Variants in TRHDE observed in about 807,000 individuals in gnomAD.
The protein encoded by TRHDE is thyrotropin-releasing hormone-degrading ectoenzyme.
TRHDE carries 72 observed loss-of-function variants against 125.7 expected under a neutral mutation model. That is an observed-to-expected ratio of 0.57 (90% CI 0.47 to 0.70). The LOEUF is 0.70. Among genes scored for constraint, TRHDE ranks in the 30% least tolerant of loss-of-function variants. The pLI, the probability that TRHDE is intolerant of heterozygous loss-of-function variation, is 0.00. For synonymous variants in TRHDE, 509 were observed against 509.1 expected (o/e 1.00, Z 0.00); for missense variants, 1,110 against 1,327.1 (o/e 0.84, Z 2.54).
chr12:72,112,395 T>G lies in TRHDE; in HGVS notation n.279+6643T>G, dbSNP rs949820172. ...CGTGATTAGCCATTCAGATTTCATC[T>G]GAAAAGAAATAAAATCATTTAATTG... On this transcript the variant is annotated intron_variant and non_coding_transcript_variant, in intron 2 of 4. Transcript: ENST00000548156. Among the ~76,000 whole-genome samples the G allele has an allele frequency of 2.0e-5, 3 of 152,200 alleles. 1 individual carries two copies. The highest frequency in any genetic ancestry group is 4.1e-4 in the South Asian group (2 of 4,830).
chr12:72,442,516 G>C (rs1177183293), intron 3 of TRHDE, among the ~76,000 whole-genome samples: 1 of 151,814 alleles, frequency 6.6e-6, no homozygotes, highest in Non-Finnish European at 1.5e-5. Context: ...GCATTTCCTT[G>C]CTGCATTTGG....
rs780591902 is a variant in TRHDE at position 72,542,400 on chromosome 12, A to T, written c.1788+44A>T. 4.6e-6 allele frequency: 7 copies of T among 1,527,128 alleles called. No individual in the cohort carries two copies. In the South Asian group the frequency reaches 8.1e-5, roughly 18 times the overall value. 94.6% of individuals were successfully genotyped at this position (1,527,128 alleles called of 1,614,324 possible). A position where few individuals can be genotyped will look rare whatever the true frequency, so the allele number is the denominator to read the frequency against. Reference sequence around the variant, plus strand: ...ATTTTCTTTTACATTTTTCCTTGTCAATATATTTCACAGCTTAGGAAATGG... The same window carrying T: ...ATTTTCTTTTACATTTTTCCTTGTCTATATATTTCACAGCTTAGGAAATGG... On this transcript the variant is annotated intron_variant, in intron 7 of 18. Coordinates refer to ENST00000261180, the MANE Select transcript of TRHDE (RefSeq NM_013381.3).
chr12:72,369,072 T>A (rs1871460029), intron 2 of TRHDE, among the ~76,000 whole-genome samples: 1 of 152,182 alleles, frequency 6.6e-6, no homozygotes, highest in African/African-American at 2.4e-5. Context: ...GTTGAAGATA[T>A]CTGCCTTTAG....
chr12:72,663,278 C>T lies in TRHDE; in HGVS notation c.*83C>T, dbSNP rs1183084980. On this transcript the variant is annotated 3_prime_UTR_variant, in exon 19 of 19. Transcript: ENST00000261180. ...TTGTGGAATGAGGAAAATGTACTAC[C>T]TAGAAAATGGCCAGATTTTCAGTGT... 1.7e-6 allele frequency: 2 copies of T among 1,185,596 alleles called. No homozygotes were observed. Among genetic ancestry groups the T allele is most frequent in the African/African-American group, 1.6e-5 (1 of 63,370 alleles). 73.4% of individuals were successfully genotyped at this position (1,185,596 alleles called of 1,614,324 possible). A position where few individuals can be genotyped will look rare whatever the true frequency, so the allele number is the denominator to read the frequency against.
chr12:72,295,391 C>T (rs747319252), intron 2 of TRHDE, among the ~76,000 whole-genome samples: 3 of 152,086 alleles, frequency 2.0e-5, no homozygotes, highest in Non-Finnish European at 2.9e-5. Context: ...CCACTGCTGC[C>T]GTCACTATGA....
intron 3 of TRHDE, among the ~76,000 whole-genome samples, chr12:72,401,098 G>A (rs1301101643): frequency 1.3e-5 from 2 of 152,082 alleles, no homozygotes; most frequent in East Asian, 1.9e-4. Context: ...AGGAAAAAAT[G>A]TAAAAATGAG....
intron 3 of TRHDE, among the ~76,000 whole-genome samples, chr12:72,446,653 G>C (rs1280318997): frequency 6.6e-6 from 1 of 152,020 alleles, no homozygotes; most frequent in Admixed American, 6.6e-5. Context: ...AAAATAAAGA[G>C]ATGGAGGAAG....
At chr12:72,307,006 G>A (rs1383653879) in intron 2 of TRHDE, among the ~76,000 whole-genome samples, 3 of 152,140 alleles carry the variant, frequency 2.0e-5, no homozygotes, top group Non-Finnish European at 4.4e-5. Flanking sequence ...GGCATTAGGA[G>A]GAAGAGTAGA....
intron 3 of TRHDE, among the ~76,000 whole-genome samples, chr12:72,389,671 C>T (rs1160131041): frequency 6.6e-6 from 1 of 152,158 alleles, no homozygotes; most frequent in East Asian, 1.9e-4. Context: ...GGGGGCCCCA[C>T]CCTCATGACC....
intron 2 of TRHDE, among the ~76,000 whole-genome samples, chr12:72,304,058 T>G (rs1012818432): frequency 6.6e-5 from 10 of 152,252 alleles, no homozygotes; most frequent in South Asian, 2.1e-4. Context: ...ACTTGATCAT[T>G]GTCACATAGC....
rs552612075 is a variant in TRHDE, at chr12:72,655,981, A to C, written c.2985-946A>C. Among the ~76,000 whole-genome samples, 4 of 152,300 alleles carry C rather than the reference A, an allele frequency of 2.6e-5. No homozygotes were observed. The South Asian group carries it at 8.3e-4, about 32-fold the overall frequency. Reference sequence around the variant, plus strand: ...TTCTACAGAAGCTAAATTAAATCTTAAATTAGATGCTTAAGAGCCTACAAG... The same window carrying C: ...TTCTACAGAAGCTAAATTAAATCTTCAATTAGATGCTTAAGAGCCTACAAG... On this transcript the variant is annotated intron_variant, in intron 17 of 18. Coordinates refer to ENST00000261180, the MANE Select transcript of TRHDE (RefSeq NM_013381.3).
chr12:72,156,821 G>A (rs934855131), intron 2 of TRHDE, among the ~76,000 whole-genome samples: 6 of 152,118 alleles, frequency 3.9e-5, no homozygotes, highest in African/African-American at 1.4e-4. Flanking sequence ...ATATTTTATG[G>A]CCCCAAGTAT....
chr12:72,270,144 A>C (rs1223664933), upstream of TRHDE, among the ~76,000 whole-genome samples: 2 of 152,064 alleles, frequency 1.3e-5, no homozygotes, highest in African/African-American at 4.8e-5. Context: ...ATGAACCCCA[A>C]CTCCTCAACT....
At chr12:72,202,501 G>T (rs1299035673) in intron 2 of TRHDE, among the ~76,000 whole-genome samples, 1 of 152,166 alleles carries the variant, frequency 6.6e-6, no homozygotes, top group African/African-American at 2.4e-5. Flanking sequence ...TGGGAAGCTG[G>T]TGTCCCTTTG....
chr12:72,611,156 C>T, intron 12 of TRHDE: 1 of 182,416 alleles, frequency 5.5e-6, no homozygotes, highest in East Asian at 1.3e-4. Context: ...AAAGAGAGGG[C>T]AGCAAAGTTC....
rs796883299 is a variant in TRHDE, at chr12:72,461,014, G to GA, written c.1316-8735dup. Among the ~76,000 whole-genome samples, 526 of 151,334 alleles carry GA rather than the reference G, an allele frequency of 3.5e-3. 1 individual carries two copies. The highest frequency in any genetic ancestry group is 0.011 in the African/African-American group (457 of 41,260). ...GTCGAGGAAAATTGATTGCTGAAAT[G>GA]AAAAAAAAATCTTTTGAATGTGTGG... On this transcript the variant is annotated intron_variant, in intron 3 of 18. Transcript: ENST00000261180.
At chr12:72,217,668 G>A (rs1023341680) in intron 2 of TRHDE, among the ~76,000 whole-genome samples, 1 of 152,140 alleles carries the variant, frequency 6.6e-6, no homozygotes, top group Non-Finnish European at 1.5e-5. Context: ...AAAGCAGCAA[G>A]ATCTCTGCAG....
intron 15 of TRHDE, among the ~76,000 whole-genome samples, chr12:72,626,829 T>A (rs1565814987): frequency 6.6e-6 from 1 of 151,928 alleles, no homozygotes; most frequent in Non-Finnish European, 1.5e-5. Context: ...ATGGTCTGTG[T>A]ATATCTCGTC....
At chr12:72,518,201 G>C (rs901006285) in intron 6 of TRHDE, among the ~76,000 whole-genome samples, 2 of 150,018 alleles carry the variant, frequency 1.3e-5, no homozygotes, top group Admixed American at 1.3e-4. Context: ...GGGTATCCTT[G>C]TTGACTTTCT....
Sources: allele counts gnomAD v4.1 joint callset (sites outside exome capture counted in the v4.1 genomes callset), GRCh38; gene constraint gnomAD v4.1.1; transcripts MANE v1.5; gene names NCBI Gene and HGNC (gene_info 2026-07-23, HGNC 2026-07-21).